IDE: variants seen among roughly 807,000 people sequenced by gnomAD.
The protein encoded by IDE is insulin-degrading enzyme.
Under a neutral mutation model 133.2 loss-of-function variants are expected in IDE, and 58 were observed. The observed-to-expected ratio is 0.44, with a 90% CI of 0.35 to 0.54. The LOEUF is 0.54. Ranked by LOEUF, IDE falls within the 20% of genes least tolerant of loss-of-function variation. The pLI is 0.00. For synonymous variants in IDE, 396 were observed against 421.3 expected, an observed-to-expected ratio of 0.94 and a Z score of 0.73; for missense variants, 981 against 1,234.0, an observed-to-expected ratio of 0.79 and a Z score of 3.07.
chr10:92,537,035 CAA>C (rs1280601596), intron 2 of IDE, among the ~76,000 whole-genome samples: 7 of 74,328 alleles, frequency 9.4e-5, no homozygotes, highest in Non-Finnish European at 8.7e-5. Context: ...AACTCTGTCT[CAA>C]AAAAAAAAAA....
intron 9 of IDE, 82 bp from the exon 10 acceptor site, chr10:92,506,604 A>C (rs1042782325): frequency 3.0e-6 from 2 of 667,256 alleles, no homozygotes; most frequent in South Asian, 1.9e-5. Flanking sequence ...TTTGGCTTGC[A>C]CTATAAGCTT....
chr10:92,455,497 A>G (rs898894037), intron 24 of IDE, 79 bp downstream of exon 24: 5 of 947,846 alleles, frequency 5.3e-6, no homozygotes, highest in Non-Finnish European at 8.4e-6. Flanking sequence ...AAAAAACAAA[A>G]AACAAAAAAA....
At chr10:92,571,889 T>C (rs1053007010) in intron 1 of IDE, among the ~76,000 whole-genome samples, 9 of 152,218 alleles carry the variant, frequency 5.9e-5, no homozygotes, top group African/African-American at 1.2e-4. Flanking sequence ...GTAGGGCTGA[T>C]TGCATTCCTT....
chr10:92,507,748 A>G (rs1038127801), intron 8 of IDE, 82 bp from the exon 9 acceptor site: 14 of 821,006 alleles, frequency 1.7e-5, no homozygotes, highest in Admixed American at 1.5e-4. Flanking sequence ...GTAAAGTCAG[A>G]TAAGTGGAAG....
At position 92,531,850 on chromosome 10, in the gene IDE, C is replaced by T. The variant is rs201014275; in HGVS notation, c.559G>A (p.Asp187Asn). 9 of 1,593,914 alleles carry T rather than the reference C, an allele frequency of 5.6e-6. No homozygotes were observed. The stretch of plus-strand genomic sequence containing the variant: ...ATCACATTCTTCTCATGTTCTGAAT[C>T]AACTGCATTCACCTCTCTGTCTTTG... Reference protein sequence around the residue: ...SCKDREVNAVDSEHEKNVMND... With the variant: ...SCKDREVNAVNSEHEKNVMND... Residue 187 changes from aspartate to asparagine, a missense_variant, in exon 4 of 25, where the codon GAT becomes AAT. Asp to Asn is a conservative substitution (Grantham distance 23). Coordinates refer to ENST00000265986, the MANE Select transcript of IDE (RefSeq NM_004969.4).
intron 12 of IDE, among the ~76,000 whole-genome samples, chr10:92,489,273 C>T (rs1322332751): frequency 6.6e-6 from 1 of 152,212 alleles, no homozygotes; most frequent in Non-Finnish European, 1.5e-5. Flanking sequence ...AATTCCCAGC[C>T]GGGTGTGGTG....
chr10:92,557,874 C>CAAAAAAA (rs3051565), intron 1 of IDE, among the ~76,000 whole-genome samples: 1 of 108,312 alleles, frequency 9.2e-6, no homozygotes, highest in Non-Finnish European at 1.8e-5. Flanking sequence ...GATTCCACCT[C>CAAAAAAA]AAAAAAAAAA....
At chr10:92,548,825 G>A (rs572149143) in intron 1 of IDE, among the ~76,000 whole-genome samples, 1 of 152,160 alleles carries the variant, frequency 6.6e-6, no homozygotes, top group Non-Finnish European at 1.5e-5. Context: ...CTCAATGGGT[G>A]ACTATTCCCA....
chr10:92,483,595 A>G (rs1368756819), intron 13 of IDE, among the ~76,000 whole-genome samples: 1 of 152,198 alleles, frequency 6.6e-6, no homozygotes, highest in Non-Finnish European at 1.5e-5. Context: ...GTGAAGGAAG[A>G]GACAGATCAG....
In IDE at chr10:92,453,747, A is replaced by G. The variant is rs1844850912; in HGVS notation, c.*697T>C. On this transcript the variant is annotated 3_prime_UTR_variant, in exon 25 of 25. Transcript: ENST00000265986. ...AGTAGGTCAATATAATTCAATCAGA[A>G]TGAAAGAAACCACAGTAATCCTGAG... is the stretch of plus-strand genomic sequence containing the variant. The G allele has an allele frequency of 6.6e-6, 1 of 152,266 alleles. No individual in the cohort carries two copies. The highest frequency in any genetic ancestry group is 6.5e-5 in the Admixed American group (1 of 15,286). The allele number at this position is 152,266 out of a possible 1,614,324, so 9.4% of individuals were successfully genotyped here. A position where few individuals can be genotyped will look rare whatever the true frequency, so the allele number is the denominator to read the frequency against.
intron 1 of IDE, among the ~76,000 whole-genome samples, chr10:92,572,426 G>A (rs1425454231): frequency 1.3e-5 from 2 of 152,274 alleles, no homozygotes; most frequent in South Asian, 4.1e-4. Flanking sequence ...GTCTTCATTT[G>A]TATTAGCTTA....
intron 18 of IDE, among the ~76,000 whole-genome samples, chr10:92,470,033 AG>A (rs556931882): frequency 8.5e-5 from 13 of 152,186 alleles, no homozygotes; most frequent in Non-Finnish European, 1.6e-4. Flanking sequence ...TGCACAAGGT[AG>A]AAAACAGCAG....
chr10:92,564,314 G>T (rs1479272003), intron 1 of IDE, among the ~76,000 whole-genome samples: 1 of 152,128 alleles, frequency 6.6e-6, no homozygotes, highest in Non-Finnish European at 1.5e-5. Flanking sequence ...AAAGTGTCCT[G>T]AAGGATAGTC....
intron 11 of IDE, chr10:92,497,653 T>A: frequency 1.2e-6 from 1 of 815,438 alleles, no homozygotes. Context: ...TCAGCGGGTA[T>A]TAAAGAAGGT....
chr10:92,483,512 C>T (rs1326265124), intron 13 of IDE, among the ~76,000 whole-genome samples, 175 bp from the exon 14 acceptor site: 3 of 152,208 alleles, frequency 2.0e-5, no homozygotes, highest in Non-Finnish European at 4.4e-5. Flanking sequence ...AAGCTGGAGA[C>T]AAAGACTGCA....
At chr10:92,540,619 T>C (rs531899133) in intron 1 of IDE, among the ~76,000 whole-genome samples, 6 of 152,134 alleles carry the variant, frequency 3.9e-5, no homozygotes, top group Admixed American at 3.3e-4. Flanking sequence ...ACCTAGTGAG[T>C]TTGACTTAGG....
intron 10 of IDE, among the ~76,000 whole-genome samples, chr10:92,506,012 C>T (rs1020244589): frequency 6.6e-6 from 1 of 151,936 alleles, no homozygotes; most frequent in Non-Finnish European, 1.5e-5. Flanking sequence ...CAAAAGATCA[C>T]GAGCCTGGAA....
chr10:92,559,943 C>T (rs1394088755), intron 1 of IDE, among the ~76,000 whole-genome samples: 2 of 151,988 alleles, frequency 1.3e-5, no homozygotes, highest in Admixed American at 6.6e-5. Flanking sequence ...CACTATGTTG[C>T]ACAGGCTAGT....
At position 92,518,437 on chromosome 10, in the gene IDE, C is replaced by T. The variant is rs553072674; in HGVS notation, c.662-3395G>A. ...ACTTAACAAAAATGTTAAAGTCTTA[C>T]GACACCAACTGTTGTTTAGTATGCA... is the stretch of plus-strand genomic sequence containing the variant. On this transcript the variant is annotated intron_variant, in intron 4 of 24. Transcript: ENST00000265986. 1.1e-4 allele frequency among the ~76,000 whole-genome samples: 16 copies of T among 152,282 alleles called. No homozygotes were observed. In the East Asian group the frequency reaches 2.7e-3, roughly 26 times the overall value.
Sources: allele counts gnomAD v4.1 joint callset (sites outside exome capture counted in the v4.1 genomes callset), GRCh38; gene constraint gnomAD v4.1.1; transcripts MANE v1.5; gene names NCBI Gene and HGNC (gene_info 2026-07-23, HGNC 2026-07-21).